Variants in OPCML observed in about 807,000 individuals in gnomAD.
OPCML encodes the protein opioid binding protein/cell adhesion molecule like, also known as opioid-binding protein/cell adhesion molecule.
Under a neutral mutation model 37.8 loss-of-function variants are expected in OPCML, and 13 were observed. That is an observed-to-expected ratio of 0.34 (90% CI 0.22 to 0.55). OPCML has a LOEUF of 0.55. Among genes scored for constraint, OPCML ranks in the 20% least tolerant of loss-of-function variants. The pLI, the probability that OPCML is intolerant of heterozygous loss-of-function variation, is 0.91. For synonymous variants in OPCML, 176 were observed against 168.8 expected (o/e 1.04, Z -0.33); for missense variants, 341 against 435.6 (o/e 0.78, Z 1.93).
intron 2 of OPCML, among the ~76,000 whole-genome samples, chr11:132,699,728 G>A (rs1011968202): frequency 6.6e-6 from 1 of 152,022 alleles, no homozygotes; most frequent in African/African-American, 2.4e-5. Context: ...CTCTTTTAAT[G>A]TGCTATAAAT....
At chr11:132,863,580 C>A (rs1942398313) in intron 2 of OPCML, among the ~76,000 whole-genome samples, 1 of 152,194 alleles carries the variant, frequency 6.6e-6, no homozygotes, top group South Asian at 2.1e-4. Context: ...TTCCTCAAGG[C>A]AGGTCACTGA....
chr11:133,426,622 C>A (rs1321335092), intron 1 of OPCML, among the ~76,000 whole-genome samples: 1 of 152,152 alleles, frequency 6.6e-6, no homozygotes, highest in Non-Finnish European at 1.5e-5. Context: ...GAAAACCATG[C>A]AAGGAGGCCA....
chr11:132,910,714 A>G (rs1010827324), intron 2 of OPCML, among the ~76,000 whole-genome samples: 3 of 152,248 alleles, frequency 2.0e-5, no homozygotes, highest in African/African-American at 7.2e-5. Context: ...AGCTTTAAAT[A>G]TAAATATATG....
intron 1 of OPCML, among the ~76,000 whole-genome samples, chr11:133,111,593 GGAT>G (rs1397272972): frequency 6.6e-6 from 1 of 152,164 alleles, no homozygotes; most frequent in Non-Finnish European, 1.5e-5. Flanking sequence ...TGTTTCACTT[GGAT>G]GATTCTTTCA....
chr11:133,392,837 C>T (rs1285612340), intron 1 of OPCML, among the ~76,000 whole-genome samples: 1 of 152,158 alleles, frequency 6.6e-6, no homozygotes, highest in Non-Finnish European at 1.5e-5. Flanking sequence ...TATGAATTTG[C>T]CTGCTCACCA....
chr11:132,549,772 T>G (rs79147049), intron 3 of OPCML, among the ~76,000 whole-genome samples: 2,176 of 152,218 alleles, frequency 0.014, 47 homozygotes, highest in African/African-American at 0.05. Context: ...AAGATTAGGG[T>G]GGAGTGACCA....
At chr11:132,535,162 A>T (rs1437105611) in intron 3 of OPCML, among the ~76,000 whole-genome samples, 1 of 151,686 alleles carries the variant, frequency 6.6e-6, no homozygotes, top group Non-Finnish European at 1.5e-5. Flanking sequence ...GTGCATAAAC[A>T]CTCTAGCTAC....
intron 1 of OPCML, among the ~76,000 whole-genome samples, chr11:133,186,294 T>C (rs1267118632): frequency 6.6e-6 from 1 of 152,200 alleles, no homozygotes; most frequent in Non-Finnish European, 1.5e-5. Flanking sequence ...AGAACCTGGC[T>C]ACCCAGGCTG....
At chr11:133,469,391 G>A (rs997052432) in intron 1 of OPCML, among the ~76,000 whole-genome samples, 7 of 152,304 alleles carry the variant, frequency 4.6e-5, no homozygotes, top group South Asian at 2.1e-4. Flanking sequence ...AGGCTCCACC[G>A]TACAGCTGAG....
chr11:133,115,542 A>T (rs555003366), intron 1 of OPCML, among the ~76,000 whole-genome samples: 1 of 152,228 alleles, frequency 6.6e-6, no homozygotes, highest in African/African-American at 2.4e-5. Flanking sequence ...GCAGAGCTAT[A>T]TAACACTCAA....
Position 132,415,066 on chromosome 11 carries a change from ATG to A in OPCML, c.*5125_*5126del, listed in dbSNP as rs1294233150. Reference sequence around the variant, plus strand: ...TGAATTAGAAAAGGTTACAACTACAATGTAACATGCACAAAATTCAGGTAGTA... The same window carrying A: ...TGAATTAGAAAAGGTTACAACTACAATAACATGCACAAAATTCAGGTAGTA... On this transcript the variant is annotated 3_prime_UTR_variant, in exon 8 of 8. Transcript: ENST00000524381. 4 of 152,612 alleles carry A rather than the reference ATG, an allele frequency of 2.6e-5. No homozygotes were observed. The highest frequency in any genetic ancestry group is 2.6e-4 in the Admixed American group (4 of 15,274). 9.5% of individuals were successfully genotyped at this position (152,612 alleles called of 1,614,324 possible).
chr11:132,648,783 GA>G (rs1941283237), intron 3 of OPCML, among the ~76,000 whole-genome samples: 1 of 152,140 alleles, frequency 6.6e-6, no homozygotes, highest in Admixed American at 6.5e-5. Flanking sequence ...CTCTCAAGCG[GA>G]AGTGCTGCCT....
intron 3 of OPCML, among the ~76,000 whole-genome samples, chr11:132,569,537 A>T (rs900856708): frequency 1.3e-5 from 2 of 152,176 alleles, no homozygotes; most frequent in Non-Finnish European, 2.9e-5. Flanking sequence ...ATTTCAGGAG[A>T]TAATGGCTAA....
intron 1 of OPCML, among the ~76,000 whole-genome samples, chr11:133,154,748 T>C (rs1413348951): frequency 6.6e-6 from 1 of 151,556 alleles, no homozygotes; most frequent in Admixed American, 6.6e-5. Flanking sequence ...AGGTGGCCAA[T>C]AGAAGGAGAA....
chr11:133,424,954 T>C (rs1181352045), intron 1 of OPCML, among the ~76,000 whole-genome samples: 1 of 152,242 alleles, frequency 6.6e-6, no homozygotes, highest in Non-Finnish European at 1.5e-5. Flanking sequence ...ATTTTTCCTA[T>C]TTGATACTCT....
chr11:133,278,114 G>A (rs963142608), intron 1 of OPCML, among the ~76,000 whole-genome samples: 2 of 152,174 alleles, frequency 1.3e-5, no homozygotes, highest in East Asian at 3.9e-4. Context: ...TGTAGCGTAT[G>A]TTCAGCCTCC....
intron 4 of OPCML, among the ~76,000 whole-genome samples, chr11:132,492,313 T>C (rs1375016209): frequency 6.6e-6 from 1 of 151,978 alleles, no homozygotes; most frequent in Non-Finnish European, 1.5e-5. Flanking sequence ...CCTGCAAAAC[T>C]GCAGGAGAGA....
Position 132,548,399 on chromosome 11 carries a change from G to A in OPCML, c.380-19213C>T, listed in dbSNP as rs572885134. Among the ~76,000 whole-genome samples, 27 of 152,278 alleles carry A rather than the reference G, an allele frequency of 1.8e-4. No homozygotes were observed. The South Asian group carries it at 5.2e-3, about 29-fold the overall frequency. On this transcript the variant is annotated intron_variant, in intron 3 of 7. Coordinates refer to ENST00000524381, the MANE Select transcript of OPCML (RefSeq NM_001012393.5). ...CTGCCCCAGAACAAAGGAGAATGGA[G>A]ATAATGGTGACCCTCCTGGCCCTGG...
At chr11:132,555,363 T>C (rs1311386843) in intron 3 of OPCML, among the ~76,000 whole-genome samples, 3 of 152,038 alleles carry the variant, frequency 2.0e-5, no homozygotes, top group South Asian at 2.1e-4. Flanking sequence ...TGGAAGCAGA[T>C]GAGAGAGAAT....
Sources: gnomAD v4.1 joint callset for allele counts (sites outside exome capture counted in the v4.1 genomes callset) on GRCh38, gnomAD v4.1.1 for gene constraint, MANE v1.5 for transcripts, NCBI Gene and HGNC (gene_info 2026-07-23, HGNC 2026-07-21) for gene names.